Variants in SLC6A15 observed in about 807,000 individuals in gnomAD.
SLC6A15 encodes sodium-dependent neutral amino acid transporter B(0)AT2.
In SLC6A15, 33 loss-of-function variants were observed where a neutral mutation model predicts 68.5. The observed-to-expected ratio is 0.48, with a 90% CI of 0.37 to 0.64. The LOEUF (loss-of-function observed/expected upper bound fraction) is 0.64, where lower values mean the gene tolerates loss of function less well. SLC6A15 is among the 30% of genes least tolerant of loss of function. The probability of loss-of-function intolerance (pLI) is 0.00; values close to 1 mark genes in which losing one functional copy is unlikely to be tolerated. For missense variants in SLC6A15, 747 were observed against 874.3 expected, an observed-to-expected ratio of 0.85 and a Z score of 1.84; for synonymous variants, 347 against 301.0, an observed-to-expected ratio of 1.15 and a Z score of -1.58.
chr12:84,869,354 C>G (rs1324995126), intron 9 of SLC6A15, among the ~76,000 whole-genome samples: 1 of 149,708 alleles, frequency 6.7e-6, no homozygotes, highest in African/African-American at 2.4e-5. Flanking sequence ...CCCAGCTACT[C>G]GGGAGGCTGA....
chr12:84,870,847 T>C (rs891689312), intron 8 of SLC6A15, among the ~76,000 whole-genome samples, 177 bp from the exon 9 acceptor site: 1 of 152,150 alleles, frequency 6.6e-6, no homozygotes, highest in Non-Finnish European at 1.5e-5. Flanking sequence ...GAACCTGGAT[T>C]TAATTAGATC....
At chr12:84,886,156 G>C in intron 2 of SLC6A15, 88 bp from the exon 3 acceptor site, 2 of 910,812 alleles carry the variant, frequency 2.2e-6, no homozygotes, top group Non-Finnish European at 3.3e-6. Context: ...GATAATATTT[G>C]AATTACTATA....
intron 2 of SLC6A15, among the ~76,000 whole-genome samples, chr12:84,890,510 A>T (rs1353433429): frequency 6.6e-6 from 1 of 152,230 alleles, no homozygotes; most frequent in Non-Finnish European, 1.5e-5. Context: ...GATTTAATAA[A>T]TAATTCATGT....
intron 1 of SLC6A15, among the ~76,000 whole-genome samples, chr12:84,909,959 C>T (rs189398882): frequency 4.7e-4 from 72 of 152,160 alleles, no homozygotes; most frequent in African/African-American, 1.6e-3. Context: ...ACTATGAATA[C>T]GGACTTTAGA....
intron 5 of SLC6A15, chr12:84,880,955 A>T: frequency 1.2e-6 from 1 of 801,484 alleles, no homozygotes; most frequent in African/African-American, 1.9e-5. Flanking sequence ...TTGGTTGCTT[A>T]ATTCTGGCCA....
At chr12:84,873,479 C>T in intron 6 of SLC6A15, 151 bp from the exon 7 acceptor site, 1 of 942,646 alleles carries the variant, frequency 1.1e-6, no homozygotes, top group Non-Finnish European at 1.5e-6. Context: ...TAAGCATAAA[C>T]ATCTATTTTT....
intron 11 of SLC6A15, among the ~76,000 whole-genome samples, chr12:84,862,570 G>A (rs1870899033): frequency 6.6e-6 from 1 of 152,036 alleles, no homozygotes; most frequent in Admixed American, 6.6e-5. Context: ...AAGGTCAGAA[G>A]TATCTCTGAA....
chr12:84,888,846 C>T (rs1218351141), intron 2 of SLC6A15, among the ~76,000 whole-genome samples: 1 of 152,122 alleles, frequency 6.6e-6, no homozygotes, highest in Non-Finnish European at 1.5e-5. Flanking sequence ...GAAGCCAAGG[C>T]TTCCTGGCCT....
chr12:84,884,011 C>A lies in SLC6A15; in HGVS notation c.604G>T (p.Ala202Ser). The change falls in exon 5 of 12, where the codon GCC (alanine) becomes TCC (serine). Residue 202 changes from alanine (A) to serine (S), a missense_variant. Ala to Ser is a moderately conservative substitution (Grantham distance 99). Transcript: ENST00000266682. ...TCCCTGTACCAGTAATAGGTGGTGGCAGAACTTTGTTCACATTCTGGTTCT... is the reference window on the plus strand; with the variant it reads ...TCCCTGTACCAGTAATAGGTGGTGGAAGAACTTTGTTCACATTCTGGTTCT... Reference protein sequence around the residue: ...FVEPECEQSSATTYYWYREAL... With the variant: ...FVEPECEQSSSTTYYWYREAL... 1 of 1,614,038 alleles carries A rather than the reference C, an allele frequency of 6.2e-7. No homozygotes were observed. Among genetic ancestry groups the A allele is most frequent in the Non-Finnish European group, 8.5e-7 (1 of 1,179,956 alleles).
intron 1 of SLC6A15, among the ~76,000 whole-genome samples, chr12:84,896,757 A>G (rs1872652281): frequency 6.6e-6 from 1 of 152,242 alleles, no homozygotes; most frequent in African/African-American, 2.4e-5. Context: ...ACCAGGAAAC[A>G]ATGTGCTTCA....
chr12:84,873,154 C>A lies in SLC6A15; in HGVS notation c.1042G>T (p.Ala348Ser). ...SFINFFTSVL[A>S]TLVVFAVLGF... ...AGAACTGCAAACACCACCAATGTTGCCAGGACAGAAGTGAAAAAATTGATG... is the reference window on the plus strand; with the variant it reads ...AGAACTGCAAACACCACCAATGTTGACAGGACAGAAGTGAAAAAATTGATG... The change falls in exon 7 of 12, where the codon GCA (alanine) becomes TCA (serine). Residue 348 changes from alanine (A) to serine (S), a missense_variant. Physicochemically the swap from Ala to Ser is moderately conservative, Grantham distance 99. Coordinates refer to ENST00000266682, the MANE Select transcript of SLC6A15 (RefSeq NM_182767.6). The A allele has an allele frequency of 6.2e-7, 1 of 1,613,998 alleles. No individual in the cohort carries two copies. Among genetic ancestry groups the A allele is most frequent in the Non-Finnish European group, 8.5e-7 (1 of 1,179,966 alleles).
intron 5 of SLC6A15, among the ~76,000 whole-genome samples, chr12:84,879,949 C>T (rs1186285680): frequency 6.6e-6 from 1 of 152,104 alleles, no homozygotes; most frequent in Non-Finnish European, 1.5e-5. Flanking sequence ...AAATTGCAAG[C>T]TTATGGTTAT....
chr12:84,895,224 C>T (rs1015788224), intron 1 of SLC6A15, among the ~76,000 whole-genome samples: 3 of 151,800 alleles, frequency 2.0e-5, no homozygotes, highest in Non-Finnish European at 2.9e-5. Context: ...CTTACTCACC[C>T]CCATATTACC....
At chr12:84,876,199 A>T (rs1187013421) in intron 6 of SLC6A15, among the ~76,000 whole-genome samples, 2 of 152,008 alleles carry the variant, frequency 1.3e-5, no homozygotes, top group Non-Finnish European at 2.9e-5. Flanking sequence ...AGACTGAAAA[A>T]TTCTGAAGTC....
At chr12:84,908,965 A>T (rs369727288) in intron 1 of SLC6A15, among the ~76,000 whole-genome samples, 2 of 152,244 alleles carry the variant, frequency 1.3e-5, no homozygotes, top group South Asian at 4.1e-4. Flanking sequence ...ATCATCACTG[A>T]TAATTTGCTA....
chr12:84,867,257 T>G, intron 9 of SLC6A15, 64 bp from the exon 10 acceptor site: 3 of 1,282,862 alleles, frequency 2.3e-6, no homozygotes, highest in Non-Finnish European at 3.1e-6. Flanking sequence ...TAAACTTTAT[T>G]ATAAATTATT....
chr12:84,883,293 T>C (rs1871916087), intron 5 of SLC6A15: 1 of 985,668 alleles, frequency 1.0e-6, no homozygotes, highest in African/African-American at 1.7e-5. Flanking sequence ...TAATTTTCAA[T>C]TTGCCTTAGA....
In SLC6A15 at chr12:84,884,232, A is replaced by G. The variant is rs527289375; in HGVS notation, c.575-192T>C. Among the ~76,000 whole-genome samples, 5 of 152,334 alleles carry G rather than the reference A, an allele frequency of 3.3e-5. No homozygotes were observed. The East Asian group carries it at 9.6e-4, about 29-fold the overall frequency. The stretch of plus-strand genomic sequence containing the variant: ...CAAACAGAAATGTATCCTGTTAAAT[A>G]TTTCTTATGCAGTCCTGCAGTAAGA... On this transcript the variant is annotated intron_variant, in intron 4 of 11. Coordinates refer to ENST00000266682, the MANE Select transcript of SLC6A15 (RefSeq NM_182767.6).
chr12:84,906,923 T>C (rs1462873831), intron 1 of SLC6A15, among the ~76,000 whole-genome samples: 1 of 151,652 alleles, frequency 6.6e-6, no homozygotes, highest in African/African-American at 2.4e-5. Flanking sequence ...ATTGATAAAC[T>C]AGGCCCCAAA....
Sources: gnomAD v4.1 joint callset for allele counts (sites outside exome capture counted in the v4.1 genomes callset) on GRCh38, gnomAD v4.1.1 for gene constraint, MANE v1.5 for transcripts, NCBI Gene and HGNC (gene_info 2026-07-23, HGNC 2026-07-21) for gene names.